The following NPAS3 variants were observed in gnomAD, a reference collection of about 807,000 sequenced individuals.
The protein encoded by NPAS3 is neuronal PAS domain-containing protein 3.
In NPAS3, 14 loss-of-function variants were observed where a neutral mutation model predicts 73.1. The observed-to-expected ratio is 0.19, with a 90% CI of 0.13 to 0.30. The LOEUF is 0.30. Ranked by LOEUF, NPAS3 falls within the 10% of genes least tolerant of loss-of-function variation. NPAS3 has a pLI of 1.00. For synonymous variants in NPAS3, 620 were observed against 541.5 expected (o/e 1.14, Z -2.01); for missense variants, 1,096 against 1,250.0 (o/e 0.88, Z 1.86).
chr14:33,776,761 A>T (rs927023145), intron 8 of NPAS3, among the ~76,000 whole-genome samples: 4 of 152,022 alleles, frequency 2.6e-5, no homozygotes, highest in Non-Finnish European at 5.9e-5. Context: ...ATTATTTTAC[A>T]GAAGAAGAAA....
chr14:33,262,084 C>T (rs2048995631), intron 3 of NPAS3, among the ~76,000 whole-genome samples: 1 of 152,100 alleles, frequency 6.6e-6, no homozygotes, highest in South Asian at 2.1e-4. Flanking sequence ...CTGATGTATT[C>T]CAAAGATATA....
At chr14:33,598,327 T>C (rs922715447) in intron 5 of NPAS3, among the ~76,000 whole-genome samples, 5 of 152,234 alleles carry the variant, frequency 3.3e-5, no homozygotes, top group Non-Finnish European at 7.3e-5. Flanking sequence ...ATTGGAGTCT[T>C]CAGCCTACTA....
chr14:33,600,658 A>C (rs1567043408), intron 5 of NPAS3, among the ~76,000 whole-genome samples: 1 of 152,234 alleles, frequency 6.6e-6, no homozygotes, highest in Non-Finnish European at 1.5e-5. Flanking sequence ...TAACGATGAC[A>C]CAGGAAGTGG....
intron 2 of NPAS3, among the ~76,000 whole-genome samples, chr14:33,131,960 G>A (rs1344551918): frequency 6.6e-6 from 1 of 152,140 alleles, no homozygotes; most frequent in Non-Finnish European, 1.5e-5. Context: ...GGTGGCAAAT[G>A]TCAACTGTGT....
chr14:33,383,933 AAAT>A (rs1259556773), intron 4 of NPAS3, among the ~76,000 whole-genome samples: 1 of 152,212 alleles, frequency 6.6e-6, no homozygotes, highest in Non-Finnish European at 1.5e-5. Flanking sequence ...ACACTATTAG[AAAT>A]AATAATATAC....
intron 2 of NPAS3, among the ~76,000 whole-genome samples, chr14:33,163,783 A>G (rs371076434): frequency 1.7e-4 from 26 of 152,284 alleles, no homozygotes; most frequent in African/African-American, 5.8e-4. Context: ...CTTACACGCC[A>G]TTAAGAGATT....
intron 5 of NPAS3, among the ~76,000 whole-genome samples, chr14:33,661,060 T>C (rs1203337411): frequency 6.6e-6 from 1 of 150,980 alleles, no homozygotes; most frequent in Non-Finnish European, 1.5e-5. Context: ...AATAATTTTT[T>C]TTAAAAAGAA....
At chr14:33,363,922 CTGTGTGTGTG>C (rs10627532) in intron 3 of NPAS3, among the ~76,000 whole-genome samples, 1 of 148,772 alleles carries the variant, frequency 6.7e-6, no homozygotes, top group African/African-American at 2.5e-5. Context: ...GCAATGCCCT[CTGTGTGTGTG>C]TGTGTGTGTG....
At chr14:33,050,742 A>G (rs891161355) in intron 1 of NPAS3, among the ~76,000 whole-genome samples, 1 of 152,248 alleles carries the variant, frequency 6.6e-6, no homozygotes, top group Admixed American at 6.5e-5. Context: ...TTTCGAATGA[A>G]ATCTCTTGTT....
chr14:33,138,665 A>G (rs1325787726), intron 2 of NPAS3, among the ~76,000 whole-genome samples: 2 of 152,200 alleles, frequency 1.3e-5, no homozygotes, highest in Non-Finnish European at 2.9e-5. Context: ...CTAAGGAAAT[A>G]AAATGGTGTC....
chr14:33,464,757 C>T (rs148705555), intron 4 of NPAS3, among the ~76,000 whole-genome samples: 142 of 152,272 alleles, frequency 9.3e-4, no homozygotes, highest in African/African-American at 3.2e-3. Flanking sequence ...TGGCGAGGAG[C>T]TGGGAGCTGT....
intron 3 of NPAS3, among the ~76,000 whole-genome samples, chr14:33,289,287 A>G (rs1429006492): frequency 6.6e-6 from 1 of 152,184 alleles, no homozygotes; most frequent in Non-Finnish European, 1.5e-5. Context: ...GAGCCTTTGC[A>G]TTTGACCATG....
intron 4 of NPAS3, among the ~76,000 whole-genome samples, chr14:33,406,247 T>C (rs1187537445): frequency 6.6e-6 from 1 of 152,144 alleles, no homozygotes; most frequent in African/African-American, 2.4e-5. Context: ...AGCCATGCCC[T>C]GTCTACTCTT....
At chr14:33,488,408 G>A (rs576516346) in intron 4 of NPAS3, among the ~76,000 whole-genome samples, 93 of 152,126 alleles carry the variant, frequency 6.1e-4, no homozygotes, top group African/African-American at 2.1e-3. Context: ...ACGCAGCCCC[G>A]TGCACAGACT....
intron 4 of NPAS3, among the ~76,000 whole-genome samples, chr14:33,558,350 T>A (rs1025555464): frequency 5.3e-5 from 8 of 152,046 alleles, no homozygotes; most frequent in African/African-American, 1.9e-4. Flanking sequence ...AACCTCCTCC[T>A]CCCGGGCTCA....
At chr14:33,026,670 C>T (rs1432598856) in intron 1 of NPAS3, among the ~76,000 whole-genome samples, 1 of 152,060 alleles carries the variant, frequency 6.6e-6, no homozygotes, top group Admixed American at 6.6e-5. Flanking sequence ...AATTTACTGT[C>T]CTTTTTACTC....
intron 2 of NPAS3, among the ~76,000 whole-genome samples, chr14:33,119,362 C>T (rs2043161517): frequency 6.6e-6 from 1 of 151,984 alleles, no homozygotes; most frequent in Admixed American, 6.6e-5. Flanking sequence ...CACAACTTCT[C>T]CCTTTCACAG....
intron 2 of NPAS3, among the ~76,000 whole-genome samples, chr14:33,127,615 C>T (rs1345349397): frequency 2.0e-5 from 3 of 152,110 alleles, no homozygotes; most frequent in Non-Finnish European, 4.4e-5. Flanking sequence ...CTGCATTTTA[C>T]GGACTTGGGT....
At chr14:33,753,924 A>C (rs2062037263) in intron 7 of NPAS3, among the ~76,000 whole-genome samples, 1 of 152,098 alleles carries the variant, frequency 6.6e-6, no homozygotes, top group African/African-American at 2.4e-5. Context: ...CCAGGGGCTT[A>C]AGGGACCCTC....
Sources: allele counts gnomAD v4.1 joint callset (sites outside exome capture counted in the v4.1 genomes callset), GRCh38; gene constraint gnomAD v4.1.1; transcripts MANE v1.5; gene names NCBI Gene and HGNC (gene_info 2026-07-23, HGNC 2026-07-21).